REXO2: variants seen among roughly 807,000 people sequenced by gnomAD.
REXO2 encodes the protein RNA exonuclease 2.
In REXO2, 17 loss-of-function variants were observed where a neutral mutation model predicts 30.9. That is an observed-to-expected ratio of 0.55 (90% CI 0.38 to 0.82). REXO2 has a LOEUF of 0.82. Ranked by LOEUF, REXO2 falls within the 40% of genes least tolerant of loss-of-function variation. The probability of loss-of-function intolerance (pLI) is 0.00; values close to 1 mark genes in which losing one functional copy is unlikely to be tolerated. For missense variants in REXO2, 253 were observed against 293.2 expected, an observed-to-expected ratio of 0.86 and a Z score of 1.00; for synonymous variants, 105 against 99.6, an observed-to-expected ratio of 1.05 and a Z score of -0.32.
At chr11:114,440,620 G>A in intron 1 of REXO2, 36 bp from the exon 2 acceptor site, 2 of 1,495,986 alleles carry the variant, frequency 1.3e-6, no homozygotes, top group Non-Finnish European at 1.9e-6. Context: ...CAGAATGATG[G>A]CTTTGTGTGT....
rs1591211208 is a variant in REXO2 at position 114,444,129 on chromosome 11, C to CT, written c.309+197dup. 1.2e-5 allele frequency: 8 copies of CT among 660,318 alleles called. No homozygotes were observed. The East Asian group carries it at 2.4e-4, about 20-fold the overall frequency. 40.9% of individuals were successfully genotyped at this position (660,318 alleles called of 1,614,324 possible). A position where few individuals can be genotyped will look rare whatever the true frequency, so the allele number is the denominator to read the frequency against. On this transcript the variant is annotated intron_variant, in intron 3 of 6. Coordinates refer to ENST00000265881, the MANE Select transcript of REXO2 (RefSeq NM_015523.4). The stretch of plus-strand genomic sequence containing the variant: ...TCGAGATCATCTTCTCCTGAATGTC[C>CT]TCTTTTTTTTCTCTCCTACATTCAG...
intron 4 of REXO2, chr11:114,445,059 A>G (rs1381907479): frequency 6.5e-6 from 1 of 152,956 alleles, no homozygotes; most frequent in Non-Finnish European, 1.5e-5. Context: ...CCTAAGATAA[A>G]GACATTTTCT....
At chr11:114,440,936 CATT>C (rs1392287574) in intron 2 of REXO2, 197 bp downstream of exon 2, 3 of 433,014 alleles carry the variant, frequency 6.9e-6, no homozygotes, top group Non-Finnish European at 1.2e-5. Flanking sequence ...AAAAATTAAA[CATT>C]ATTTTTTAAT....
intron 3 of REXO2, chr11:114,444,199 G>A (rs867427789): frequency 1.6e-6 from 1 of 612,714 alleles, no homozygotes. Flanking sequence ...ACTCAAGTCA[G>A]TCTTTTGGAT....
intron 1 of REXO2, chr11:114,440,137 C>G (rs1565269754): frequency 2.2e-6 from 1 of 463,952 alleles, no homozygotes. Flanking sequence ...AAGGATTCAA[C>G]TCATTCAAGG....
At chr11:114,446,933 CTTTTTTTTTTTT>C (rs539152554) in intron 5 of REXO2, among the ~76,000 whole-genome samples, 1 of 94,370 alleles carries the variant, frequency 1.1e-5, no homozygotes, top group Non-Finnish European at 2.0e-5. Flanking sequence ...AGAAAGGAGG[CTTTTTTTTTTTT>C]TTTTTTTTTT....
rs1946460151 is a variant in REXO2 at position 114,439,538 on chromosome 11, G to A, written c.10G>A (p.Gly4Ser). MLG[G>S]SLGSRLLRGV... ...CTGCTGGTCCCGGGTGATGCTAGGC[G>A]GCTCCCTGGGCTCCAGGCTGTTGCG... The change falls in exon 1 of 7, where the codon GGC becomes AGC. Residue 4 changes from glycine (G) to serine (S), a missense_variant. By Grantham distance (56) the Gly-to-Ser change is moderately conservative. Transcript: ENST00000265881. The A allele has an allele frequency of 6.2e-7, 1 of 1,607,234 alleles. No homozygotes were observed. Among genetic ancestry groups the A allele is most frequent in the Admixed American group, 1.7e-5 (1 of 59,942 alleles).
rs1002184887 is a variant in REXO2 at position 114,439,571 on chromosome 11, G to C, written c.43G>C (p.Gly15Arg). Reference sequence around the variant, plus strand: ...GGGCTCCAGGCTGTTGCGGGGTGTAGGTGGGAGTCACGGACGGTTCGGGGC... The same window carrying C: ...GGGCTCCAGGCTGTTGCGGGGTGTACGTGGGAGTCACGGACGGTTCGGGGC... ...SLGSRLLRGV[G>R]GSHGRFGARG... Residue 15 changes from glycine to arginine, a missense_variant, in exon 1 of 7, where the codon GGT becomes CGT. By Grantham distance (125) the Gly-to-Arg change is moderately radical (BLOSUM62 -2). Transcript: ENST00000265881. The C allele has an allele frequency of 3.7e-6, 6 of 1,609,646 alleles. No individual in the cohort carries two copies. Among genetic ancestry groups the C allele is most frequent in the Non-Finnish European group, 5.1e-6 (6 of 1,179,500 alleles).
At position 114,449,862 on chromosome 11, in the gene REXO2, A is replaced by G; in HGVS notation, c.601A>G (p.Ser201Gly). The change falls in exon 7 of 7, where the codon AGT (serine) becomes GGT (glycine). Residue 201 changes from serine (S) to glycine (G), a missense_variant. By Grantham distance (56) the Ser-to-Gly change is moderately conservative. Coordinates refer to ENST00000265881, the MANE Select transcript of REXO2 (RefSeq NM_015523.4). ...TGCTTATAGGGCACTTGATGACATT[A>G]GTGAAAGCATCAAAGAGCTTCAGTT... The part of the protein sequence containing the change: ...AASHRALDDI[S>G]ESIKELQFYR... The G allele has an allele frequency of 1.2e-6, 2 of 1,610,192 alleles. No homozygotes were observed. Among genetic ancestry groups the G allele is most frequent in the Non-Finnish European group, 1.7e-6 (2 of 1,178,038 alleles).
At chr11:114,439,899 C>G in intron 1 of REXO2, 1 of 585,860 alleles carries the variant, frequency 1.7e-6, no homozygotes, top group South Asian at 2.1e-5. Context: ...AGGAGTCCTC[C>G]GTGTGGCTTC....
At chr11:114,442,732 G>A (rs924369618) in intron 2 of REXO2, among the ~76,000 whole-genome samples, 2 of 152,312 alleles carry the variant, frequency 1.3e-5, no homozygotes, top group African/African-American at 4.8e-5. Flanking sequence ...ATCTTACAGA[G>A]GGAGAAGCTG....
At chr11:114,446,965 G>A (rs1946513230) in intron 5 of REXO2, among the ~76,000 whole-genome samples, 2 of 138,936 alleles carry the variant, frequency 1.4e-5, no homozygotes, top group Non-Finnish European at 3.0e-5. Context: ...TTGAGACGGA[G>A]TCTCGTTCTG....
chr11:114,447,854 G>A lies in REXO2; in HGVS notation c.559G>A (p.Ala187Thr). The A allele has an allele frequency of 1.2e-6, 2 of 1,613,742 alleles. No homozygotes were observed. The highest frequency in any genetic ancestry group is 1.7e-6 in the Non-Finnish European group (2 of 1,179,886). The stretch of plus-strand genomic sequence containing the variant: ...CTGGTATCCAGAAGAATATGAATTT[G>A]CACCAAAGAAGGCTGCTTCTCATAG... ...RRWYPEEYEF[A>T]PKKAASHRAL... The change falls in exon 6 of 7, where the codon GCA becomes ACA. Residue 187 changes from alanine (A) to threonine (T), a missense_variant. Physicochemically the swap from Ala to Thr is moderately conservative, Grantham distance 58. Coordinates refer to ENST00000265881, the MANE Select transcript of REXO2 (RefSeq NM_015523.4).
chr11:114,448,158 G>A (rs1009553775), intron 6 of REXO2, among the ~76,000 whole-genome samples: 12 of 152,120 alleles, frequency 7.9e-5, no homozygotes, highest in Non-Finnish European at 1.0e-4. Flanking sequence ...GTAATGAACC[G>A]TGTTAACTTT....
Position 114,440,998 on chromosome 11 carries a change from C to T in REXO2, c.231+259C>T, listed in dbSNP as rs186676248. 1.8e-3 allele frequency: 596 copies of T among 339,218 alleles called. 10 individuals carry two copies. Among genetic ancestry groups the T allele is most frequent in the South Asian group, 5.0e-4 (10 of 20,000 alleles). 21.0% of individuals were successfully genotyped at this position (339,218 alleles called of 1,614,324 possible). Reference sequence around the variant, plus strand: ...AACATAAATTCTGTCGTTTACTGAGCGCTTACTGTATGCCAGCTACAGTTT... The same window carrying T: ...AACATAAATTCTGTCGTTTACTGAGTGCTTACTGTATGCCAGCTACAGTTT... On this transcript the variant is annotated intron_variant, in intron 2 of 6. Coordinates refer to ENST00000265881, the MANE Select transcript of REXO2 (RefSeq NM_015523.4).
At chr11:114,443,783 G>A (rs1269212650) in intron 2 of REXO2, 73 bp from the exon 3 acceptor site, 1 of 1,105,614 alleles carries the variant, frequency 9.0e-7, no homozygotes, top group Admixed American at 2.1e-5. Flanking sequence ...CCTTAAAACA[G>A]CTTAAGCTTT....
Position 114,450,134 on chromosome 11 carries a change from A to G in REXO2, c.*159A>G, listed in dbSNP as rs955546301. The G allele has an allele frequency of 4.8e-6, 3 of 628,924 alleles. No homozygotes were observed. The highest frequency in any genetic ancestry group is 3.8e-5 in the African/African-American group (2 of 52,736). The allele number at this position is 628,924 out of a possible 1,614,324, so 39.0% of individuals were successfully genotyped here. On this transcript the variant is annotated 3_prime_UTR_variant, in exon 7 of 7. Transcript: ENST00000265881. ...CACGAAATACTATTTTTCTCCTAATATGCTGTTTCCATTATGACACAGCAG... is the reference window on the plus strand; with the variant it reads ...CACGAAATACTATTTTTCTCCTAATGTGCTGTTTCCATTATGACACAGCAG...
At chr11:114,444,127 T>C (rs1160628947) in intron 3 of REXO2, 194 bp downstream of exon 3, 2 of 662,120 alleles carry the variant, frequency 3.0e-6, no homozygotes, top group South Asian at 3.0e-5. Flanking sequence ...CTCCTGAATG[T>C]CCTCTTTTTT....
At chr11:114,443,586 G>A (rs1466532101) in intron 2 of REXO2, among the ~76,000 whole-genome samples, 1 of 151,582 alleles carries the variant, frequency 6.6e-6, no homozygotes, top group Non-Finnish European at 1.5e-5. Flanking sequence ...TTAATAAATA[G>A]CTGAAGTGTG....
Sources: allele counts gnomAD v4.1 joint callset (sites outside exome capture counted in the v4.1 genomes callset), GRCh38; gene constraint gnomAD v4.1.1; transcripts MANE v1.5; gene names NCBI Gene and HGNC (gene_info 2026-07-23, HGNC 2026-07-21).